The following PRR5L variants were observed in gnomAD, a reference collection of about 807,000 sequenced individuals.
The protein encoded by PRR5L is proline rich 5 like.
Under a neutral mutation model 36.4 loss-of-function variants are expected in PRR5L, and 21 were observed. The observed-to-expected ratio is 0.58, with a 90% CI of 0.41 to 0.83. The LOEUF (loss-of-function observed/expected upper bound fraction) is 0.83, where lower values mean the gene tolerates loss of function less well. Ranked by LOEUF, PRR5L falls within the 40% of genes least tolerant of loss-of-function variation. The probability of loss-of-function intolerance (pLI) is 0.00; values close to 1 mark genes in which losing one functional copy is unlikely to be tolerated. For synonymous variants in PRR5L, 188 were observed against 197.0 expected (o/e 0.95, Z 0.38); for missense variants, 381 against 473.3 (o/e 0.80, Z 1.81).
In PRR5L at chr11:36,401,047, C is replaced by T; in HGVS notation, c.-75C>T. 1 of 1,566,662 alleles carries T rather than the reference C, an allele frequency of 6.4e-7. No homozygotes were observed. The highest frequency in any genetic ancestry group is 8.7e-7 in the Non-Finnish European group (1 of 1,154,648). ...GAAAGCCTGAGGGCCTGAAGGCAGC[C>T]CCTGGAGAAGCCCTTTCCGAGGGCA... On this transcript the variant is annotated 5_prime_UTR_variant, in exon 2 of 9. Coordinates refer to ENST00000530639, the MANE Select transcript of PRR5L (RefSeq NM_001160167.2).
At chr11:36,454,827 A>T (rs1349591775) in intron 8 of PRR5L, 1 of 152,294 alleles carries the variant, frequency 6.6e-6, no homozygotes, top group Non-Finnish European at 1.5e-5. Flanking sequence ...GGGTACGCAT[A>T]GGTCAGAGGC....
At chr11:36,461,323 T>A (rs1859173998) in intron 8 of PRR5L, among the ~76,000 whole-genome samples, 1 of 152,138 alleles carries the variant, frequency 6.6e-6, no homozygotes. Context: ...ATGATGAGAA[T>A]TCAAAAGCAG....
intron 7 of PRR5L, among the ~76,000 whole-genome samples, chr11:36,447,596 T>G (rs894788642): frequency 5.3e-5 from 8 of 152,188 alleles, no homozygotes; most frequent in African/African-American, 1.9e-4. Flanking sequence ...GGAAGATGGC[T>G]TCATCCTTGA....
intron 4 of PRR5L, among the ~76,000 whole-genome samples, chr11:36,424,620 T>C (rs1201796007): frequency 2.6e-5 from 4 of 152,194 alleles, no homozygotes; most frequent in Non-Finnish European, 5.9e-5. Flanking sequence ...TCTCTGAGGC[T>C]CTTGAAGAGC....
chr11:36,337,179 C>A (rs903429770), intron 1 of PRR5L, among the ~76,000 whole-genome samples: 2 of 152,114 alleles, frequency 1.3e-5, no homozygotes, highest in African/African-American at 2.4e-5. Flanking sequence ...TGGGTCATCC[C>A]CCCAAAATTA....
At position 36,351,319 on chromosome 11, in the gene PRR5L, TATAA is replaced by T. The variant is rs1753588387; in HGVS notation, c.-125-49674_-125-49671del. On this transcript the variant is annotated intron_variant, in intron 1 of 8. Coordinates refer to ENST00000530639, the MANE Select transcript of PRR5L (RefSeq NM_001160167.2). The stretch of plus-strand genomic sequence containing the variant: ...ATTTATATATATATTTATATATATT[TATAA>T]ATATTTATATATATTTATAATATAT... Among the ~76,000 whole-genome samples, 14 of 74,830 alleles carry T rather than the reference TATAA, an allele frequency of 1.9e-4. No homozygotes were observed. In the Admixed American group the frequency reaches 2.3e-3, roughly 12 times the overall value. 49.1% of individuals were successfully genotyped at this position (74,830 alleles called of 152,430 possible).
chr11:36,366,427 AGAG>A (rs1243629688), intron 1 of PRR5L, among the ~76,000 whole-genome samples: 1 of 149,462 alleles, frequency 6.7e-6, no homozygotes, highest in Non-Finnish European at 1.5e-5. Context: ...AGAGAGAGAG[AGAG>A]GACAAAAAGG....
In PRR5L at chr11:36,451,318, G is replaced by A; in HGVS notation, c.695G>A (p.Gly232Asp). The stretch of plus-strand genomic sequence containing the variant: ...ATCAGCGGGGACCGTAGCTTCTCAG[G>A]CCCCACGTACACGCTGGGTAAGGAG... Reference protein sequence around the residue: ...LGISGDRSFSGPTYTLARRHS... With the variant: ...LGISGDRSFSDPTYTLARRHS... The change falls in exon 8 of 9, where the codon GGC becomes GAC. Residue 232 changes from glycine to aspartate, a missense_variant. Gly to Asp is a moderately conservative substitution (Grantham distance 94). Transcript: ENST00000530639. 1 of 1,614,154 alleles carries A rather than the reference G, an allele frequency of 6.2e-7. No homozygotes were observed. The highest frequency in any genetic ancestry group is 8.5e-7 in the Non-Finnish European group (1 of 1,180,028).
chr11:36,444,330 A>C (rs919987440), intron 6 of PRR5L, among the ~76,000 whole-genome samples: 3 of 152,252 alleles, frequency 2.0e-5, no homozygotes, highest in Non-Finnish European at 4.4e-5. Flanking sequence ...GATTTTGTGG[A>C]TATAGGAACT....
At chr11:36,426,466 C>T (rs933083994) in intron 4 of PRR5L, among the ~76,000 whole-genome samples, 1 of 152,152 alleles carries the variant, frequency 6.6e-6, no homozygotes, top group Non-Finnish European at 1.5e-5. Flanking sequence ...AGTGAGATGA[C>T]GTACACAAAG....
intron 1 of PRR5L, among the ~76,000 whole-genome samples, chr11:36,300,456 C>T (rs1173116410): frequency 6.6e-6 from 1 of 152,110 alleles, no homozygotes; most frequent in African/African-American, 2.4e-5. Context: ...AAACATGTCC[C>T]ACTAGACCCC....
intron 3 of PRR5L, among the ~76,000 whole-genome samples, chr11:36,413,199 G>A (rs940657992): frequency 2.0e-5 from 3 of 152,232 alleles, no homozygotes; most frequent in African/African-American, 4.8e-5. Flanking sequence ...GGCCTAGCCA[G>A]CACTGCTGGG....
intron 1 of PRR5L, among the ~76,000 whole-genome samples, chr11:36,332,381 A>G (rs1194096133): frequency 1.3e-5 from 2 of 152,210 alleles, no homozygotes; most frequent in Non-Finnish European, 2.9e-5. Flanking sequence ...TGACTTTGGC[A>G]TCTTGGGGAC....
intron 8 of PRR5L, among the ~76,000 whole-genome samples, chr11:36,457,148 A>G (rs986595368): frequency 6.6e-6 from 1 of 152,168 alleles, no homozygotes; most frequent in Non-Finnish European, 1.5e-5. Context: ...AAGATGCTGC[A>G]TGTGTCTGCC....
intron 1 of PRR5L, among the ~76,000 whole-genome samples, chr11:36,362,795 T>C (rs1481091072): frequency 6.6e-6 from 1 of 151,984 alleles, no homozygotes; most frequent in Non-Finnish European, 1.5e-5. Flanking sequence ...TTTTATAATT[T>C]GTGAGTGGCG....
chr11:36,411,463 T>C (rs1351488448), intron 3 of PRR5L, among the ~76,000 whole-genome samples: 1 of 152,042 alleles, frequency 6.6e-6, no homozygotes. Context: ...CTTCCCCATT[T>C]TTTCCCCCTG....
At chr11:36,336,040 G>A (rs1590453412) in intron 1 of PRR5L, among the ~76,000 whole-genome samples, 1 of 152,250 alleles carries the variant, frequency 6.6e-6, no homozygotes, top group South Asian at 2.1e-4. Flanking sequence ...TGAGGTTCGA[G>A]GAGAGAGCAC....
chr11:36,326,837 A>G (rs983507414), intron 1 of PRR5L, among the ~76,000 whole-genome samples: 5 of 152,190 alleles, frequency 3.3e-5, no homozygotes, highest in African/African-American at 9.6e-5. Context: ...ATTAAATATC[A>G]TGGTAAGTGG....
At chr11:36,440,301 T>C (rs116758200) in intron 6 of PRR5L, among the ~76,000 whole-genome samples, 2,988 of 152,262 alleles carry the variant, frequency 0.02, 95 homozygotes, top group African/African-American at 0.068. Context: ...CTAACATAAA[T>C]GGTTGTGGCA....
Sources: allele counts gnomAD v4.1 joint callset (sites outside exome capture counted in the v4.1 genomes callset), GRCh38; gene constraint gnomAD v4.1.1; transcripts MANE v1.5; gene names NCBI Gene and HGNC (gene_info 2026-07-23, HGNC 2026-07-21).